ITPR1: variants seen among roughly 807,000 people sequenced by gnomAD.
ITPR1 encodes inositol 1,4,5-trisphosphate-gated calcium channel ITPR1.
In ITPR1, 96 loss-of-function variants were observed where a neutral mutation model predicts 318.4. The observed-to-expected ratio is 0.30, with a 90% CI of 0.26 to 0.36. ITPR1 has a LOEUF of 0.36. ITPR1 is among the 10% of genes least tolerant of loss of function. ITPR1 has a pLI of 1.00. For synonymous variants in ITPR1, 1,312 were observed against 1,289.9 expected (o/e 1.02, Z -0.37); for missense variants, 2,440 against 3,460.2 (o/e 0.71, Z 7.40).
chr3:4,530,982 A>G (rs2124950435), intron 4 of ITPR1, among the ~76,000 whole-genome samples: 1 of 152,160 alleles, frequency 6.6e-6, no homozygotes, highest in Middle Eastern at 3.4e-3. Context: ...ATTGTTAAGT[A>G]CCTTCCTCCT....
intron 35 of ITPR1, among the ~76,000 whole-genome samples, chr3:4,701,029 C>T (rs149509315): frequency 6.7e-4 from 102 of 152,326 alleles, no homozygotes; most frequent in African/African-American, 2.4e-3. Flanking sequence ...AGCTACAATT[C>T]AAGATGAAGT....
At chr3:4,818,319 G>A (rs573479149) in intron 60 of ITPR1, 77 bp downstream of exon 60, 156 of 1,187,894 alleles carry the variant, frequency 1.3e-4, no homozygotes, top group South Asian at 4.5e-4. Flanking sequence ...GCAGCCCATC[G>A]GGGAGCTGCA....
At chr3:4,689,460 C>T (rs1188920581) in intron 31 of ITPR1, among the ~76,000 whole-genome samples, 1 of 152,202 alleles carries the variant, frequency 6.6e-6, no homozygotes, top group Non-Finnish European at 1.5e-5. Context: ...CAGTGTGATG[C>T]TCAAAGCAAA....
At chr3:4,695,535 T>A (rs770549799) in intron 33 of ITPR1, among the ~76,000 whole-genome samples, 3 of 152,158 alleles carry the variant, frequency 2.0e-5, no homozygotes, top group South Asian at 2.1e-4. Context: ...CCTCCCCCCA[T>A]TCCCCTTTCC....
At chr3:4,588,432 C>G (rs79634491) in intron 4 of ITPR1, among the ~76,000 whole-genome samples, 1,955 of 151,820 alleles carry the variant, frequency 0.013, 53 homozygotes, top group African/African-American at 0.045. Flanking sequence ...AAGTCATTTT[C>G]TCACTTGGCT....
chr3:4,673,966 A>G (rs950269338), intron 21 of ITPR1, among the ~76,000 whole-genome samples: 9 of 152,216 alleles, frequency 5.9e-5, no homozygotes, highest in African/African-American at 1.9e-4. Context: ...CTCAAGAAAT[A>G]TATCAGTGAA....
chr3:4,678,492 CT>C (rs2094229868), intron 24 of ITPR1, among the ~76,000 whole-genome samples: 1 of 152,260 alleles, frequency 6.6e-6, no homozygotes, highest in South Asian at 2.1e-4. Flanking sequence ...TCCACGGGTA[CT>C]TATTGACTCC....
At position 4,826,332 on chromosome 3, in the gene ITPR1, T is replaced by A. The variant is rs752321175; in HGVS notation, c.8028+8090T>A. ...TAACCTGGGAGGCCACGAGCATTGGTTAAAATGTCACCTGGGCTCTGACAA... is the reference window on the plus strand; with the variant it reads ...TAACCTGGGAGGCCACGAGCATTGGATAAAATGTCACCTGGGCTCTGACAA... On this transcript the variant is annotated intron_variant, in intron 60 of 61. Coordinates refer to ENST00000649015, the MANE Select transcript of ITPR1 (RefSeq NM_001378452.1). The surrounding 1 kb of genome is among the most constrained non-coding windows in gnomAD (Gnocchi z 4.2). Among the ~76,000 whole-genome samples, 1 of 152,142 alleles carries A rather than the reference T, an allele frequency of 6.6e-6. No individual in the cohort carries two copies. Among genetic ancestry groups the A allele is most frequent in the Non-Finnish European group, 1.5e-5 (1 of 68,022 alleles).
Position 4,697,315 on chromosome 3 carries a change from G to GGTGT in ITPR1, c.4407+78_4407+81dup, listed in dbSNP as rs35795762. 250,237 of 853,746 alleles carry GGTGT rather than the reference G, an allele frequency of 0.29. 16,555 individuals carry two copies. The highest frequency in any genetic ancestry group is 0.43 in the East Asian group (13,857 of 31,898). 52.9% of individuals were successfully genotyped at this position (853,746 alleles called of 1,614,324 possible). On this transcript the variant is annotated intron_variant, in intron 34 of 61. Transcript: ENST00000649015. ...GAGGAGGCAGAGTTGGAGAGTGAGA[G>GGTGT]GTGTGTGTGTGTGTGTGTGTGTGTG...
chr3:4,830,456 A>C (rs1482815038), intron 60 of ITPR1, among the ~76,000 whole-genome samples: 1 of 152,140 alleles, frequency 6.6e-6, no homozygotes, highest in Non-Finnish European at 1.5e-5. Flanking sequence ...CTTCAATGAA[A>C]ATAATCACCC....
intron 16 of ITPR1, among the ~76,000 whole-genome samples, chr3:4,663,759 C>T (rs1267051879): frequency 1.3e-5 from 2 of 152,194 alleles, no homozygotes; most frequent in African/African-American, 2.4e-5. Context: ...ATTAAAATAT[C>T]TTACAGAATA....
At chr3:4,824,144 C>T (rs1462298584) in intron 60 of ITPR1, among the ~76,000 whole-genome samples, 1 of 152,156 alleles carries the variant, frequency 6.6e-6, no homozygotes, top group South Asian at 2.1e-4. Context: ...CCTGCCCCCC[C>T]ATGGTAGCTA....
At chr3:4,763,776 C>A (rs1397646310) in intron 44 of ITPR1, among the ~76,000 whole-genome samples, 1 of 152,268 alleles carries the variant, frequency 6.6e-6, no homozygotes, top group Non-Finnish European at 1.5e-5. Flanking sequence ...TAAGAGCTTC[C>A]CTTACCCTGA....
intron 4 of ITPR1, among the ~76,000 whole-genome samples, chr3:4,583,248 A>G (rs1346478853): frequency 3.3e-5 from 5 of 152,194 alleles, no homozygotes; most frequent in African/African-American, 1.2e-4. Flanking sequence ...TCATTGTGTC[A>G]CTTTATGATA....
At chr3:4,759,657 A>G (rs2045289479) in intron 44 of ITPR1, among the ~76,000 whole-genome samples, 1 of 152,118 alleles carries the variant, frequency 6.6e-6, no homozygotes, top group South Asian at 2.1e-4. Context: ...TCTGCTTCAT[A>G]TGGAGCTGTT....
At chr3:4,516,631 T>G in intron 3 of ITPR1, 48 bp downstream of exon 3, 1 of 1,111,376 alleles carries the variant, frequency 9.0e-7, no homozygotes, top group Non-Finnish European at 1.3e-6. Context: ...TAAGACATCA[T>G]AACATCAGCT....
At chr3:4,814,329 CT>C in intron 57 of ITPR1, 93 bp from the exon 58 acceptor site, 3 of 1,282,816 alleles carry the variant, frequency 2.3e-6, no homozygotes, top group Non-Finnish European at 3.4e-6. Context: ...TTTCGTGTGC[CT>C]GGTGAGATGG....
intron 4 of ITPR1, among the ~76,000 whole-genome samples, chr3:4,571,461 C>T (rs2087979174): frequency 1.3e-5 from 2 of 152,200 alleles, no homozygotes; most frequent in Non-Finnish European, 2.9e-5. Flanking sequence ...CCGTCAGTCT[C>T]CCGAGTAGCT....
chr3:4,843,273 A>G (rs2051502160), intron 61 of ITPR1, among the ~76,000 whole-genome samples: 1 of 152,168 alleles, frequency 6.6e-6, no homozygotes, highest in South Asian at 2.1e-4. Context: ...TGTGCCTACT[A>G]TATGCTCAGT....
Sources: allele counts gnomAD v4.1 joint callset (sites outside exome capture counted in the v4.1 genomes callset), GRCh38; gene constraint gnomAD v4.1.1; non-coding constraint Gnocchi (gnomAD v3.1); transcripts MANE v1.5; gene names NCBI Gene and HGNC (gene_info 2026-07-23, HGNC 2026-07-21).